Variants in ADAMTS17 observed in about 807,000 individuals in gnomAD.
The protein encoded by ADAMTS17 is ADAM metallopeptidase with thrombospondin type 1 motif 17.
ADAMTS17 carries 113 observed loss-of-function variants against 141.5 expected under a neutral mutation model. The ratio of observed to expected loss-of-function variants is 0.80; its 90% CI spans 0.69 to 0.93. The LOEUF (loss-of-function observed/expected upper bound fraction) is 0.93. Among genes scored for constraint, ADAMTS17 ranks in the 40% least tolerant of loss-of-function variants. The probability of loss-of-function intolerance (pLI) is 0.00; values close to 1 mark genes in which losing one functional copy is unlikely to be tolerated. For synonymous variants in ADAMTS17, 768 were observed against 630.6 expected, an observed-to-expected ratio of 1.22 and a Z score of -3.27; for missense variants, 1,659 against 1,517.9, an observed-to-expected ratio of 1.09 and a Z score of -1.54.
In ADAMTS17 at chr15:99,997,301, G is replaced by A; in HGVS notation, c.2796+84C>T. The stretch of plus-strand genomic sequence containing the variant: ...GCTGACCTGGGGGCGAGCGAGGGCT[G>A]GGAGGCACCAGAATGTCACCAATAC... On this transcript the variant is annotated intron_variant, in intron 19 of 21. Coordinates refer to ENST00000268070, the MANE Select transcript of ADAMTS17 (RefSeq NM_139057.4). The surrounding 1 kb of genome is among the most constrained non-coding windows in gnomAD (Gnocchi z 4.7). The A allele has an allele frequency of 1.3e-6, 2 of 1,503,556 alleles. No individual in the cohort carries two copies. The highest frequency in any genetic ancestry group is 2.3e-5 in the South Asian group (2 of 88,664). 93.1% of individuals were successfully genotyped at this position (1,503,556 alleles called of 1,614,324 possible). A position where few individuals can be genotyped will look rare whatever the true frequency, so the allele number is the denominator to read the frequency against.
At chr15:100,255,606 G>A (rs908410210) in intron 6 of ADAMTS17, among the ~76,000 whole-genome samples, 2 of 32,234 alleles carry the variant, frequency 6.2e-5, no homozygotes, top group African/African-American at 1.2e-4. Flanking sequence ...CCCAATTCTC[G>A]TGTTTTGAGC....
intron 14 of ADAMTS17, among the ~76,000 whole-genome samples, chr15:100,098,965 T>C (rs1361125527): frequency 6.6e-6 from 1 of 152,196 alleles, no homozygotes; most frequent in African/African-American, 2.4e-5. Context: ...TTCCTATAAT[T>C]TTCAAACCAC....
In ADAMTS17 at chr15:100,069,085, A is replaced by G. The variant is rs543028276; in HGVS notation, c.2138-15031T>C. On this transcript the variant is annotated intron_variant, in intron 15 of 21. Coordinates refer to ENST00000268070, the MANE Select transcript of ADAMTS17 (RefSeq NM_139057.4). ...AGCTGAAAACCAAGCCATGAGAACT[A>G]CGTGACGAATGCAGAAGCCTCAGTA... Among the ~76,000 whole-genome samples the G allele has an allele frequency of 6.6e-5, 10 of 152,352 alleles. No homozygotes were observed. In the South Asian group the frequency reaches 1.9e-3, roughly 28 times the overall value.
chr15:100,171,034 C>T (rs2040140408), intron 8 of ADAMTS17, among the ~76,000 whole-genome samples: 1 of 152,132 alleles, frequency 6.6e-6, no homozygotes, highest in African/African-American at 2.4e-5. Flanking sequence ...GGGGCAGCCT[C>T]TGTCACTGGT....
chr15:100,072,648 C>A (rs1256948816), intron 15 of ADAMTS17, among the ~76,000 whole-genome samples: 9 of 152,116 alleles, frequency 5.9e-5, no homozygotes, highest in South Asian at 2.1e-4. Context: ...CAAAAACAAG[C>A]AATGGGGAAA....
chr15:99,993,304 C>T lies in ADAMTS17; in HGVS notation c.2797-104G>A, dbSNP rs1378371306. On this transcript the variant is annotated intron_variant, in intron 19 of 21. Transcript: ENST00000268070. The surrounding 1 kb of genome is among the most constrained non-coding windows in gnomAD (Gnocchi z 4.3). ...TGCCAGGTGCGGTGTGGGGATGATA[C>T]AAAGATGAAAACCCACACTTCTGTC... The T allele has an allele frequency of 1.0e-5, 15 of 1,505,582 alleles. No homozygotes were observed. Among genetic ancestry groups the T allele is most frequent in the Non-Finnish European group, 1.4e-5 (15 of 1,091,352 alleles). The allele number at this position is 1,505,582 out of a possible 1,614,324, so 93.3% of individuals were successfully genotyped here.
chr15:100,222,428 T>C lies in ADAMTS17; in HGVS notation c.1076-23005A>G, dbSNP rs140236454. Among the ~76,000 whole-genome samples, 704 of 152,306 alleles carry C rather than the reference T, an allele frequency of 4.6e-3. 3 individuals carry two copies. Among genetic ancestry groups the C allele is most frequent in the African/African-American group, 0.015 (640 of 41,564 alleles). ...ATAAGCGTGGCTTTGTTCTGCCGCA[T>C]CTTCTGAAAACCCGGGCAGCCCTGC... On this transcript the variant is annotated intron_variant, in intron 7 of 21. Coordinates refer to ENST00000268070, the MANE Select transcript of ADAMTS17 (RefSeq NM_139057.4).
chr15:100,051,591 G>A lies in ADAMTS17; in HGVS notation c.2436C>T (p.Cys812=), dbSNP rs2032149471. 1.2e-6 allele frequency: 2 copies of A among 1,613,786 alleles called. No individual in the cohort carries two copies. The highest frequency in any genetic ancestry group is 1.7e-5 in the Admixed American group (1 of 60,002). The change falls in exon 17 of 22, where the codon TGC becomes TGT. Residue 812 remains cysteine (C), a synonymous_variant. Transcript: ENST00000268070. ...ACTCACCTCCGCCGCACTGCACACT[G>A]CACCCTTCCCAGCCGCTGTGGGTCC... ...FIWTHSGWEG[C]SVQCGGGERR...
rs545163239 is a variant in ADAMTS17, at chr15:100,082,367, T to C, written c.2137+13989A>G. Among the ~76,000 whole-genome samples the C allele has an allele frequency of 5.4e-5, 8 of 149,044 alleles. No homozygotes were observed. In the South Asian group the frequency reaches 1.1e-3, roughly 20 times the overall value. Reference sequence around the variant, plus strand: ...GCGTGAGCCACCGTGCCTGGCCTTATTGCATGGTTTTGATAGTCTTTTTTT... The same window carrying C: ...GCGTGAGCCACCGTGCCTGGCCTTACTGCATGGTTTTGATAGTCTTTTTTT... On this transcript the variant is annotated intron_variant, in intron 15 of 21. Transcript: ENST00000268070.
rs188193530 is a variant in ADAMTS17, at chr15:100,072,929, A to G, written c.2138-18875T>C. Among the ~76,000 whole-genome samples, 4 of 152,324 alleles carry G rather than the reference A, an allele frequency of 2.6e-5. No individual in the cohort carries two copies. In the East Asian group the frequency reaches 7.7e-4, roughly 29 times the overall value. ...AATGGGACAAAATTGACAAAATTAA[A>G]GTATAGGGCTTCTGCAAAGCAAAAG... On this transcript the variant is annotated intron_variant, in intron 15 of 21. Transcript: ENST00000268070.
Position 99,976,263 on chromosome 15 carries a change from C to A in ADAMTS17, c.2950-41G>T, listed in dbSNP as rs139045337. On this transcript the variant is annotated intron_variant, in intron 20 of 21. Coordinates refer to ENST00000268070, the MANE Select transcript of ADAMTS17 (RefSeq NM_139057.4). ...AGCCTGAGTGGGGCTGACATGAGGT[C>A]AAGGGACTGGGATGATGGCCTCACA... is the stretch of plus-strand genomic sequence containing the variant. 22 of 1,536,874 alleles carry A rather than the reference C, an allele frequency of 1.4e-5. No individual in the cohort carries two copies. The African/African-American group carries it at 2.6e-4, about 18-fold the overall frequency.
chr15:99,978,337 G>A (rs2060410868), intron 20 of ADAMTS17, among the ~76,000 whole-genome samples: 1 of 152,312 alleles, frequency 6.6e-6, no homozygotes, highest in East Asian at 1.9e-4. Flanking sequence ...AACATTCAGA[G>A]GGAATGTTGC....
At position 100,133,399 on chromosome 15, in the gene ADAMTS17, AC is replaced by A. The variant is rs1476146820; in HGVS notation, c.1474-85del. 5.1e-6 allele frequency: 7 copies of A among 1,382,430 alleles called. No homozygotes were observed. In the African/African-American group the frequency reaches 1.0e-4, roughly 20 times the overall value. The allele number at this position is 1,382,430 out of a possible 1,614,324, so 85.6% of individuals were successfully genotyped here. A position where few individuals can be genotyped will look rare whatever the true frequency, so the allele number is the denominator to read the frequency against. On this transcript the variant is annotated intron_variant, in intron 10 of 21. Coordinates refer to ENST00000268070, the MANE Select transcript of ADAMTS17 (RefSeq NM_139057.4). ...CTGGGGTCAGAGGTGTGGCCCAACC[AC>A]TGTTTCAAATTTGGGATTCGAAACG...
At chr15:100,155,473 G>A (rs1385277775) in intron 8 of ADAMTS17, among the ~76,000 whole-genome samples, 153 bp from the exon 9 acceptor site, 1 of 152,226 alleles carries the variant, frequency 6.6e-6, no homozygotes, top group Non-Finnish European at 1.5e-5. Context: ...CCACAGTCAT[G>A]TGTTTTCACA....
intron 14 of ADAMTS17, among the ~76,000 whole-genome samples, chr15:100,099,352 A>C (rs2141034655): frequency 6.6e-6 from 1 of 152,334 alleles, no homozygotes; most frequent in South Asian, 2.1e-4. Context: ...CCATTGTTTC[A>C]GTCAGCGCAA....
At chr15:100,115,854 T>C (rs1177895667) in intron 13 of ADAMTS17, among the ~76,000 whole-genome samples, 1 of 152,152 alleles carries the variant, frequency 6.6e-6, no homozygotes, top group Non-Finnish European at 1.5e-5. Context: ...GTCTGTCTTC[T>C]TCAAGTGTTG....
intron 3 of ADAMTS17, among the ~76,000 whole-genome samples, chr15:100,315,020 C>T (rs2045517889): frequency 6.6e-6 from 1 of 152,218 alleles, no homozygotes; most frequent in Non-Finnish European, 1.5e-5. Flanking sequence ...CTCTGAGGGA[C>T]AAGGGGGCAA....
At chr15:100,136,846 G>A (rs189716494) in intron 10 of ADAMTS17, among the ~76,000 whole-genome samples, 28 of 152,318 alleles carry the variant, frequency 1.8e-4, no homozygotes, top group African/African-American at 6.7e-4. Flanking sequence ...TCCTGATAAA[G>A]TCACTGGGTT....
chr15:100,067,600 A>G (rs1208119876), intron 15 of ADAMTS17, among the ~76,000 whole-genome samples: 2 of 152,194 alleles, frequency 1.3e-5, no homozygotes, highest in Non-Finnish European at 2.9e-5. Flanking sequence ...TCTTTTGAAC[A>G]TCAGAGTACA....
Sources: gnomAD v4.1 joint callset for allele counts (sites outside exome capture counted in the v4.1 genomes callset) on GRCh38, gnomAD v4.1.1 for gene constraint, Gnocchi (gnomAD v3.1) non-coding constraint, MANE v1.5 for transcripts, NCBI Gene and HGNC (gene_info 2026-07-23, HGNC 2026-07-21) for gene names.